The following MSI2 variants were observed in gnomAD, a reference collection of about 807,000 sequenced individuals.
MSI2 encodes the protein musashi RNA binding protein 2.
Under a neutral mutation model 45.6 loss-of-function variants are expected in MSI2, and 17 were observed. The observed-to-expected ratio is 0.37, with a 90% CI of 0.26 to 0.56. The LOEUF is 0.56. Among genes scored for constraint, MSI2 ranks in the 20% least tolerant of loss-of-function variants. MSI2 has a pLI of 0.77. For missense variants in MSI2, 293 were observed against 444.2 expected, an observed-to-expected ratio of 0.66 and a Z score of 3.06; for synonymous variants, 156 against 158.2, an observed-to-expected ratio of 0.99 and a Z score of 0.11.
At chr17:57,442,095 G>A (rs2084810524) in intron 6 of MSI2, among the ~76,000 whole-genome samples, 1 of 150,904 alleles carries the variant, frequency 6.6e-6, no homozygotes, top group African/African-American at 2.4e-5. Context: ...GGAGTGCAGT[G>A]GTGCGATCTC....
In MSI2 at chr17:57,523,050, CT is replaced by C. The variant is rs34090162; in HGVS notation, c.406-6611del. Reference sequence around the variant, plus strand: ...CCTCCATGTACCTTTGCATTGTGTCCTTTTTTTTTTTTTTTGAGGTGGAGTC... The same window carrying C: ...CCTCCATGTACCTTTGCATTGTGTCCTTTTTTTTTTTTTTGAGGTGGAGTC... On this transcript the variant is annotated intron_variant, in intron 6 of 13. Coordinates refer to ENST00000284073, the MANE Select transcript of MSI2 (RefSeq NM_138962.4). 1,361 of 141,186 alleles carry C rather than the reference CT, an allele frequency of 9.6e-3. 4 individuals are homozygous for C. Among genetic ancestry groups the C allele is most frequent in the Non-Finnish European group, 0.014 (873 of 64,644 alleles). The allele number at this position is 141,186 out of a possible 1,614,324, so 8.7% of individuals were successfully genotyped here. A position where few individuals can be genotyped will look rare whatever the true frequency, so the allele number is the denominator to read the frequency against.
At chr17:57,422,071 C>G (rs893673999) in intron 6 of MSI2, among the ~76,000 whole-genome samples, 1 of 152,144 alleles carries the variant, frequency 6.6e-6, no homozygotes, top group African/African-American at 2.4e-5. Context: ...CCACTCAAAT[C>G]GTATTTAGTG....
chr17:57,649,112 G>T (rs1910919933), intron 10 of MSI2, among the ~76,000 whole-genome samples: 1 of 152,092 alleles, frequency 6.6e-6, no homozygotes, highest in African/African-American at 2.4e-5. Context: ...CCCAGCTGGG[G>T]TGCCCCTAGT....
intron 6 of MSI2, among the ~76,000 whole-genome samples, chr17:57,510,085 C>T (rs918582227): frequency 6.6e-6 from 1 of 151,968 alleles, no homozygotes; most frequent in African/African-American, 2.4e-5. Context: ...TTCTTAATTG[C>T]GCTGTTTGTC....
intron 7 of MSI2, among the ~76,000 whole-genome samples, chr17:57,563,932 C>T (rs2087661736): frequency 5.3e-5 from 8 of 152,166 alleles, no homozygotes; most frequent in Admixed American, 5.2e-4. Flanking sequence ...TGGCCTGTTA[C>T]ACGCTCTGCT....
chr17:57,515,500 T>C (rs1170195017), intron 6 of MSI2, among the ~76,000 whole-genome samples: 4 of 152,178 alleles, frequency 2.6e-5, no homozygotes, highest in African/African-American at 9.7e-5. Context: ...CCACTGCACC[T>C]GGCCTTATCT....
At chr17:57,570,777 G>A (rs1019794922) in intron 7 of MSI2, among the ~76,000 whole-genome samples, 8 of 152,200 alleles carry the variant, frequency 5.3e-5, no homozygotes, top group Non-Finnish European at 8.8e-5. Context: ...TCACAGGGTC[G>A]CCAGAGTCTG....
intron 6 of MSI2, among the ~76,000 whole-genome samples, chr17:57,495,543 A>AAAAAAAG (rs1391952232): frequency 2.0e-5 from 3 of 148,918 alleles, no homozygotes; most frequent in Non-Finnish European, 4.4e-5. Context: ...AAAAAAAAAA[A>AAAAAAAG]AAAAAAAAAG....
chr17:57,344,775 G>A (rs531442853), intron 5 of MSI2, among the ~76,000 whole-genome samples: 9 of 152,244 alleles, frequency 5.9e-5, no homozygotes, highest in South Asian at 4.2e-4. Flanking sequence ...TCCTTAATAC[G>A]TCTAAAATAG....
intron 6 of MSI2, among the ~76,000 whole-genome samples, chr17:57,409,665 C>T (rs575053381): frequency 1.3e-5 from 2 of 152,176 alleles, no homozygotes; most frequent in South Asian, 4.1e-4. Flanking sequence ...GGGCTGTTAC[C>T]ATGAAATGTT....
At chr17:57,312,730 G>A (rs553937373) in intron 5 of MSI2, among the ~76,000 whole-genome samples, 24 of 152,234 alleles carry the variant, frequency 1.6e-4, no homozygotes, top group Admixed American at 7.2e-4. Flanking sequence ...AGGATTTTAG[G>A]ATTTTGTATG....
Position 57,413,525 on chromosome 17 carries a change from C to T in MSI2, c.405+12054C>T, listed in dbSNP as rs140025575. Among the ~76,000 whole-genome samples, 21 of 151,936 alleles carry T rather than the reference C, an allele frequency of 1.4e-4. No homozygotes were observed. In the East Asian group the frequency reaches 2.9e-3, roughly 21 times the overall value. ...CGAATAATTAAACTTTTTTTGGTAA[C>T]GGATACTGCCTGGAAATTGTCCCAG... On this transcript the variant is annotated intron_variant, in intron 6 of 13. Transcript: ENST00000284073.
intron 5 of MSI2, among the ~76,000 whole-genome samples, chr17:57,385,006 TC>T (rs751808823): frequency 1.3e-5 from 2 of 152,296 alleles, no homozygotes; most frequent in Middle Eastern, 3.4e-3. Context: ...ATTTACCCAG[TC>T]CTGATAATTT....
intron 5 of MSI2, among the ~76,000 whole-genome samples, chr17:57,296,705 T>C (rs1289584284): frequency 3.3e-5 from 5 of 152,034 alleles, no homozygotes; most frequent in Non-Finnish European, 7.4e-5. Flanking sequence ...AAATAAAACA[T>C]GTAGTTTAGT....
At chr17:57,571,313 G>A (rs1047037026) in intron 7 of MSI2, among the ~76,000 whole-genome samples, 6 of 152,176 alleles carry the variant, frequency 3.9e-5, no homozygotes, top group Non-Finnish European at 7.4e-5. Flanking sequence ...TGCTTTTGTC[G>A]TTTGTTAAGT....
rs1354261251 is a variant in MSI2 at position 57,679,853 on chromosome 17, G to A, written c.*336G>A. On this transcript the variant is annotated 3_prime_UTR_variant, in exon 14 of 14. Transcript: ENST00000284073. ...AAATCTCTTTGAATCACATTTGGTAGTGATTTTGACTTAGTCCAGTAGTCA... is the reference window on the plus strand; with the variant it reads ...AAATCTCTTTGAATCACATTTGGTAATGATTTTGACTTAGTCCAGTAGTCA... 8.6e-6 allele frequency: 2 copies of A among 232,104 alleles called. No homozygotes were observed. The allele number at this position is 232,104 out of a possible 1,614,324, so 14.4% of individuals were successfully genotyped here. A position where few individuals can be genotyped will look rare whatever the true frequency, so the allele number is the denominator to read the frequency against.
chr17:57,593,562 G>A (rs1368719841), intron 7 of MSI2, among the ~76,000 whole-genome samples: 1 of 150,844 alleles, frequency 6.6e-6, no homozygotes, highest in Non-Finnish European at 1.5e-5. Context: ...TTGGATTTAG[G>A]GCCCACCCTA....
At chr17:57,341,243 C>T (rs546347462) in intron 5 of MSI2, among the ~76,000 whole-genome samples, 4 of 152,144 alleles carry the variant, frequency 2.6e-5, no homozygotes, top group Admixed American at 6.5e-5. Flanking sequence ...AGGAACGTGT[C>T]GGAAATAATC....
the MSI2 span, among the ~76,000 whole-genome samples, chr17:57,699,562 TCCCTCA>T: frequency 6.6e-6 from 1 of 152,112 alleles, no homozygotes; most frequent in Non-Finnish European, 1.5e-5. Context: ...TTATACCCTT[TCCCTCA>T]AGATTCTTAT....
Sources: allele counts gnomAD v4.1 joint callset (sites outside exome capture counted in the v4.1 genomes callset), GRCh38; gene constraint gnomAD v4.1.1; transcripts MANE v1.5; gene names NCBI Gene and HGNC (gene_info 2026-07-23, HGNC 2026-07-21).